The following NXPH1 variants were observed in gnomAD, a reference collection of about 807,000 sequenced individuals.
NXPH1 encodes the protein neurexophilin-1.
Under a neutral mutation model 23.7 loss-of-function variants are expected in NXPH1, and 5 were observed. The observed-to-expected ratio is 0.21, with a 90% CI of 0.11 to 0.44. NXPH1 has a LOEUF of 0.44. Ranked by LOEUF, NXPH1 falls within the 20% of genes least tolerant of loss-of-function variation. NXPH1 has a pLI of 0.99. For missense variants in NXPH1, 324 were observed against 321.6 expected, an observed-to-expected ratio of 1.01 and a Z score of -0.06; for synonymous variants, 144 against 122.2, an observed-to-expected ratio of 1.18 and a Z score of -1.18.
chr7:8,571,028 AATCTAATC>A (rs1818635630), intron 2 of NXPH1, among the ~76,000 whole-genome samples: 1 of 4,080 alleles, frequency 2.5e-4, no homozygotes, highest in African/African-American at 1.5e-3. Context: ...TATCTAATCT[AATCTAATC>A]TAATCTAATC....
chr7:8,450,088 T>C (rs958462634), intron 2 of NXPH1, among the ~76,000 whole-genome samples: 2 of 152,220 alleles, frequency 1.3e-5, no homozygotes, highest in East Asian at 1.9e-4. Context: ...CAGTCATCTG[T>C]AGTAGATTTA....
intron 2 of NXPH1, among the ~76,000 whole-genome samples, chr7:8,578,842 C>A (rs1287568109): frequency 6.6e-6 from 1 of 152,124 alleles, no homozygotes; most frequent in African/African-American, 2.4e-5. Context: ...TCAGTTGAGC[C>A]TTACAAGATT....
chr7:8,452,301 T>C (rs996551155), intron 2 of NXPH1, among the ~76,000 whole-genome samples: 1 of 152,218 alleles, frequency 6.6e-6, no homozygotes, highest in African/African-American at 2.4e-5. Context: ...CCATCCAGTC[T>C]TTTTGATATA....
intron 2 of NXPH1, among the ~76,000 whole-genome samples, chr7:8,545,253 C>A (rs1818181827): frequency 6.6e-6 from 1 of 151,492 alleles, no homozygotes; most frequent in Admixed American, 6.6e-5. Context: ...GTCACTAGGA[C>A]AATTTCTACT....
At chr7:8,734,587 T>C (rs1031475794) in intron 2 of NXPH1, among the ~76,000 whole-genome samples, 7 of 152,236 alleles carry the variant, frequency 4.6e-5, no homozygotes, top group African/African-American at 1.7e-4. Flanking sequence ...TCTTTTGTAT[T>C]TGCTGAGGAA....
intron 2 of NXPH1, among the ~76,000 whole-genome samples, chr7:8,716,056 A>G (rs1583243561): frequency 1.3e-5 from 2 of 152,176 alleles, no homozygotes; most frequent in Non-Finnish European, 2.9e-5. Flanking sequence ...TGAGTTTCAC[A>G]TGGCAAAAAC....
chr7:8,577,328 G>C (rs1818773624), intron 2 of NXPH1, among the ~76,000 whole-genome samples: 1 of 152,134 alleles, frequency 6.6e-6, no homozygotes, highest in Non-Finnish European at 1.5e-5. Flanking sequence ...AGAAACCTGG[G>C]AATTGTTGCA....
chr7:8,639,544 T>C (rs1250066241), intron 2 of NXPH1, among the ~76,000 whole-genome samples: 1 of 152,216 alleles, frequency 6.6e-6, no homozygotes, highest in Non-Finnish European at 1.5e-5. Flanking sequence ...GTTATTTTCA[T>C]TGACATTTTC....
chr7:8,479,704 T>A (rs904440717), intron 2 of NXPH1, among the ~76,000 whole-genome samples: 7 of 152,088 alleles, frequency 4.6e-5, no homozygotes, highest in Admixed American at 4.6e-4. Flanking sequence ...TTTTGTTAAA[T>A]CATATAGCTA....
intron 2 of NXPH1, among the ~76,000 whole-genome samples, chr7:8,463,610 GATT>G (rs1281648515): frequency 3.3e-5 from 5 of 151,546 alleles, no homozygotes; most frequent in Non-Finnish European, 7.4e-5. Context: ...CCAACTTTTT[GATT>G]ATTAGTATTT....
At chr7:8,607,483 A>G (rs1819520372) in intron 2 of NXPH1, among the ~76,000 whole-genome samples, 1 of 152,216 alleles carries the variant, frequency 6.6e-6, no homozygotes, top group Admixed American at 6.5e-5. Flanking sequence ...CAGTATAATT[A>G]CTACAGACCA....
chr7:8,602,535 T>C (rs1240743371), intron 2 of NXPH1, among the ~76,000 whole-genome samples: 2 of 152,218 alleles, frequency 1.3e-5, no homozygotes, highest in East Asian at 1.9e-4. Flanking sequence ...AAATCCTCTT[T>C]CCTTTGAATG....
chr7:8,617,893 A>G (rs965429250), intron 2 of NXPH1, among the ~76,000 whole-genome samples: 1 of 152,156 alleles, frequency 6.6e-6, no homozygotes, highest in Admixed American at 6.6e-5. Context: ...TTGTGTTAAA[A>G]TATCTCATGT....
intron 2 of NXPH1, among the ~76,000 whole-genome samples, chr7:8,714,041 C>G (rs1779839086): frequency 6.6e-6 from 1 of 152,208 alleles, no homozygotes; most frequent in African/African-American, 2.4e-5. Flanking sequence ...AAACAAGGCC[C>G]TGGGTGGGTT....
chr7:8,603,257 T>G (rs1423000874), intron 2 of NXPH1, among the ~76,000 whole-genome samples: 3 of 152,330 alleles, frequency 2.0e-5, no homozygotes, highest in East Asian at 1.9e-4. Context: ...TTGAAGGAAG[T>G]AAGCTTATTA....
At chr7:8,473,287 T>G (rs1162643066) in intron 2 of NXPH1, among the ~76,000 whole-genome samples, 3 of 152,158 alleles carry the variant, frequency 2.0e-5, no homozygotes, top group African/African-American at 7.2e-5. Flanking sequence ...GCAGGCTGTA[T>G]TATCTAAGTT....
intron 2 of NXPH1, among the ~76,000 whole-genome samples, chr7:8,689,009 C>T (rs116050260): frequency 6.6e-6 from 1 of 152,240 alleles, no homozygotes; most frequent in African/African-American, 2.4e-5. Context: ...ATTATTACAG[C>T]ACCAAATTCA....
At chr7:8,486,166 G>T (rs1399431418) in intron 2 of NXPH1, among the ~76,000 whole-genome samples, 1 of 152,144 alleles carries the variant, frequency 6.6e-6, no homozygotes, top group African/African-American at 2.4e-5. Flanking sequence ...TTATCTGCTT[G>T]CAAGTAGTTT....
At chr7:8,456,682 A>G (rs1816601142) in intron 2 of NXPH1, among the ~76,000 whole-genome samples, 1 of 152,104 alleles carries the variant, frequency 6.6e-6, no homozygotes, top group Admixed American at 6.5e-5. Context: ...AAGTAGTTGA[A>G]TTTTTCTATT....
Sources: gnomAD v4.1 joint callset for allele counts (sites outside exome capture counted in the v4.1 genomes callset) on GRCh38, gnomAD v4.1.1 for gene constraint, MANE v1.5 for transcripts, NCBI Gene and HGNC (gene_info 2026-07-23, HGNC 2026-07-21) for gene names.